PARD3B: variants seen among roughly 807,000 people sequenced by gnomAD.
The protein encoded by PARD3B is partitioning defective 3 homolog B.
Under a neutral mutation model 130.2 loss-of-function variants are expected in PARD3B, and 103 were observed. The observed-to-expected ratio is 0.79, with a 90% CI of 0.67 to 0.93. The LOEUF (loss-of-function observed/expected upper bound fraction) is 0.93, where lower values mean the gene tolerates loss of function less well. PARD3B is among the 40% of genes least tolerant of loss of function. PARD3B has a pLI of 0.00. For missense variants in PARD3B, 1,609 were observed against 1,499.2 expected (o/e 1.07, Z -1.21); for synonymous variants, 583 against 553.2 (o/e 1.05, Z -0.76).
chr2:204,677,000 C>G (rs950994357), intron 1 of PARD3B, among the ~76,000 whole-genome samples: 21 of 152,096 alleles, frequency 1.4e-4, no homozygotes, highest in African/African-American at 4.3e-4. Flanking sequence ...CTTTCTTACG[C>G]TGAGTTTCTA....
At chr2:204,656,287 A>T (rs565398742) in intron 1 of PARD3B, among the ~76,000 whole-genome samples, 104 of 152,308 alleles carry the variant, frequency 6.8e-4, no homozygotes, top group African/African-American at 2.3e-3. Context: ...CCTTTAATTG[A>T]TAATCAGACT....
chr2:205,553,292 A>G, intron 21 of PARD3B, 32 bp from the exon 22 acceptor site: 1 of 1,585,644 alleles, frequency 6.3e-7, no homozygotes, highest in Non-Finnish European at 8.7e-7. Flanking sequence ...TGTATAATGG[A>G]TCTTCATCTC....
intron 18 of PARD3B, among the ~76,000 whole-genome samples, chr2:205,342,420 T>C (rs1052551886): frequency 1.9e-4 from 29 of 152,156 alleles, no homozygotes; most frequent in African/African-American, 6.8e-4. Context: ...CAGACCAACA[T>C]GAAGTATGTT....
chr2:204,871,893 C>T (rs1184440089), intron 2 of PARD3B, among the ~76,000 whole-genome samples: 2 of 151,996 alleles, frequency 1.3e-5, no homozygotes, highest in Non-Finnish European at 2.9e-5. Flanking sequence ...GCTTTCTTGT[C>T]CCTTTATTCT....
At chr2:205,596,610 G>A (rs931971740) in intron 22 of PARD3B, among the ~76,000 whole-genome samples, 4 of 152,134 alleles carry the variant, frequency 2.6e-5, no homozygotes, top group Admixed American at 1.3e-4. Context: ...ATAGAGAGAA[G>A]CCAAAAGCAC....
chr2:205,296,874 T>C (rs1276167575), intron 16 of PARD3B, among the ~76,000 whole-genome samples: 2 of 146,862 alleles, frequency 1.4e-5, no homozygotes, highest in East Asian at 3.9e-4. Flanking sequence ...ATAACATCTT[T>C]TTAAAAAAAA....
At chr2:205,123,079 C>T (rs2030944311) in intron 8 of PARD3B, among the ~76,000 whole-genome samples, 1 of 152,204 alleles carries the variant, frequency 6.6e-6, no homozygotes, top group South Asian at 2.1e-4. Flanking sequence ...GACATCACAT[C>T]TGTACTTTGG....
intron 16 of PARD3B, among the ~76,000 whole-genome samples, chr2:205,299,174 T>A (rs1039960397): frequency 6.6e-6 from 1 of 152,212 alleles, no homozygotes; most frequent in African/African-American, 2.4e-5. Context: ...CACATAGGTA[T>A]ATATATACAT....
intron 22 of PARD3B, among the ~76,000 whole-genome samples, chr2:205,608,328 T>C (rs528782233): frequency 6.6e-6 from 1 of 152,294 alleles, no homozygotes; most frequent in Non-Finnish European, 1.5e-5. Flanking sequence ...CCACAGTGTT[T>C]AGATACTGAA....
At chr2:205,368,685 A>G (rs1022328018) in intron 18 of PARD3B, among the ~76,000 whole-genome samples, 2 of 152,078 alleles carry the variant, frequency 1.3e-5, no homozygotes, top group African/African-American at 2.4e-5. Flanking sequence ...ACAATCCCCT[A>G]TTGGCAGGTA....
intron 1 of PARD3B, among the ~76,000 whole-genome samples, chr2:204,621,269 A>G (rs2034293212): frequency 6.6e-6 from 1 of 152,220 alleles, no homozygotes; most frequent in African/African-American, 2.4e-5. Context: ...TTCTAACGCA[A>G]TGCAGGACAT....
In PARD3B at chr2:205,588,373, T is replaced by A. The variant is rs1254673130; in HGVS notation, c.3261-27083T>A. On this transcript the variant is annotated intron_variant, in intron 22 of 22. Transcript: ENST00000406610. ...ATACTTTGTATCTATCCCAGAGAAT[T>A]CTTTCCACAGCACACTTTTCTTATT... 2.0e-5 allele frequency among the ~76,000 whole-genome samples: 3 copies of A among 152,242 alleles called. No homozygotes were observed. The East Asian group carries it at 5.8e-4, about 29-fold the overall frequency.
At chr2:205,332,296 C>T (rs147248421) in intron 18 of PARD3B, among the ~76,000 whole-genome samples, 36 of 152,234 alleles carry the variant, frequency 2.4e-4, no homozygotes, top group African/African-American at 8.2e-4. Flanking sequence ...ACAATCCATA[C>T]TCGTAAACTG....
At chr2:205,293,844 C>T (rs905341735) in intron 16 of PARD3B, 5 of 151,984 alleles carry the variant, frequency 3.3e-5, no homozygotes, top group Non-Finnish European at 4.4e-5. Context: ...TTCCTTTTTT[C>T]CTACAACAAA....
At chr2:205,172,827 T>C (rs2035250930) in intron 12 of PARD3B, among the ~76,000 whole-genome samples, 1 of 152,214 alleles carries the variant, frequency 6.6e-6, no homozygotes, top group South Asian at 2.1e-4. Flanking sequence ...TAACATTTGA[T>C]TTATTAAACA....
intron 3 of PARD3B, among the ~76,000 whole-genome samples, chr2:205,044,014 T>A (rs1698577027): frequency 1.4e-5 from 2 of 144,798 alleles, no homozygotes; most frequent in African/African-American, 2.5e-5. Flanking sequence ...TGTCCATGTG[T>A]TCTCATTGTT....
chr2:205,048,581 C>G (rs1698963926), intron 4 of PARD3B: 1 of 152,162 alleles, frequency 6.6e-6, no homozygotes, highest in Admixed American at 6.6e-5. Context: ...CTTTAAGTCT[C>G]ACTGTCTATA....
intron 4 of PARD3B, among the ~76,000 whole-genome samples, chr2:205,099,173 A>C (rs943825732): frequency 6.6e-6 from 1 of 152,202 alleles, no homozygotes; most frequent in African/African-American, 2.4e-5. Flanking sequence ...CTTGTATTTC[A>C]TACAGCTCAT....
chr2:205,068,993 G>A (rs1033362669), intron 4 of PARD3B, among the ~76,000 whole-genome samples: 1 of 151,332 alleles, frequency 6.6e-6, no homozygotes. Flanking sequence ...CCTACTTTTT[G>A]CTATATTTAC....
Sources: allele counts gnomAD v4.1 joint callset (sites outside exome capture counted in the v4.1 genomes callset), GRCh38; gene constraint gnomAD v4.1.1; transcripts MANE v1.5; gene names NCBI Gene and HGNC (gene_info 2026-07-23, HGNC 2026-07-21).